CACNA1D: variants seen among roughly 807,000 people sequenced by gnomAD.
CACNA1D encodes the protein voltage-dependent L-type calcium channel subunit alpha-1D.
In CACNA1D, 55 loss-of-function variants were observed where a neutral mutation model predicts 257.1. The ratio of observed to expected loss-of-function variants is 0.21; its 90% CI spans 0.17 to 0.27. CACNA1D has a LOEUF of 0.27. Among genes scored for constraint, CACNA1D ranks in the 10% least tolerant of loss-of-function variants. The pLI is 1.00. For synonymous variants in CACNA1D, 980 were observed against 1,014.9 expected (o/e 0.97, Z 0.65); for missense variants, 1,876 against 2,784.0 (o/e 0.67, Z 7.34).
intron 26 of CACNA1D, among the ~76,000 whole-genome samples, chr3:53,747,852 T>C (rs2095186461): frequency 6.6e-6 from 1 of 152,198 alleles, no homozygotes; most frequent in South Asian, 2.1e-4. Context: ...GTTGCTGTTA[T>C]GCCATCTCTT....
chr3:53,571,389 G>C (rs567328920), intron 3 of CACNA1D, among the ~76,000 whole-genome samples: 1 of 152,214 alleles, frequency 6.6e-6, no homozygotes, highest in Non-Finnish European at 1.5e-5. Flanking sequence ...CAAATACTTA[G>C]ACTGTGCCTT....
At chr3:53,759,636 A>G (rs996485377) in intron 29 of CACNA1D, among the ~76,000 whole-genome samples, 6 of 152,104 alleles carry the variant, frequency 3.9e-5, no homozygotes, top group Admixed American at 1.3e-4. Flanking sequence ...CTTTTGAGTT[A>G]CTCTTAACTC....
chr3:53,559,988 T>C (rs1272439873), intron 3 of CACNA1D, among the ~76,000 whole-genome samples: 1 of 149,454 alleles, frequency 6.7e-6, no homozygotes, highest in Non-Finnish European at 1.5e-5. Context: ...TGAGGGATTG[T>C]CTGGGGGCTG....
At chr3:53,635,908 A>C (rs1051119103) in intron 3 of CACNA1D, among the ~76,000 whole-genome samples, 19 of 152,194 alleles carry the variant, frequency 1.2e-4, no homozygotes, top group African/African-American at 4.3e-4. Context: ...ACCCTGCCTG[A>C]GTCTCCGTTT....
intron 3 of CACNA1D, among the ~76,000 whole-genome samples, chr3:53,502,956 A>G (rs1037076942): frequency 6.6e-6 from 1 of 152,116 alleles, no homozygotes; most frequent in Admixed American, 6.5e-5. Flanking sequence ...GCAGGGCTGG[A>G]TGTTCCTAAC....
intron 3 of CACNA1D, among the ~76,000 whole-genome samples, chr3:53,562,378 G>A (rs1490730625): frequency 6.6e-6 from 1 of 152,212 alleles, no homozygotes; most frequent in Non-Finnish European, 1.5e-5. Flanking sequence ...TACAGATACA[G>A]TCCATATTCT....
chr3:53,770,788 C>G (rs918597643), intron 32 of CACNA1D, among the ~76,000 whole-genome samples: 1 of 152,244 alleles, frequency 6.6e-6, no homozygotes, highest in South Asian at 2.1e-4. Context: ...GCTGAGAGAT[C>G]TGTAGCATTT....
chr3:53,809,898 G>A (rs914541493), intron 46 of CACNA1D, 80 bp from the exon 47 acceptor site: 2 of 1,349,080 alleles, frequency 1.5e-6, no homozygotes, highest in Non-Finnish European at 1.1e-6. Flanking sequence ...CGCAGCGCCG[G>A]TGCTTGGTCT....
intron 11 of CACNA1D, among the ~76,000 whole-genome samples, chr3:53,720,986 C>T (rs953881567): frequency 1.4e-4 from 21 of 152,146 alleles, no homozygotes; most frequent in Non-Finnish European, 2.5e-4. Flanking sequence ...TTCATGCTTA[C>T]CCCAAGCTGG....
chr3:53,531,743 G>A (rs957006571), intron 3 of CACNA1D, among the ~76,000 whole-genome samples: 5 of 152,122 alleles, frequency 3.3e-5, no homozygotes, highest in Non-Finnish European at 5.9e-5. Flanking sequence ...TTCTTATTGA[G>A]TCTTCTCTGA....
At chr3:53,676,039 G>C (rs896785748) in intron 8 of CACNA1D, among the ~76,000 whole-genome samples, 1 of 152,180 alleles carries the variant, frequency 6.6e-6, no homozygotes, top group Admixed American at 6.5e-5. Flanking sequence ...CCTGTAGAGT[G>C]CCCGGCTCTG....
Position 53,723,419 on chromosome 3 carries a change from C to A in CACNA1D, c.1667-15C>A. 1 of 1,604,390 alleles carries A rather than the reference C, an allele frequency of 6.2e-7. No homozygotes were observed. Among genetic ancestry groups the A allele is most frequent in the Non-Finnish European group, 8.5e-7 (1 of 1,171,178 alleles). On this transcript the variant is annotated splice_polypyrimidine_tract_variant and intron_variant, in intron 12 of 47. Transcript: ENST00000350061. The surrounding 1 kb of genome is among the most constrained non-coding windows in gnomAD (Gnocchi z 5.6). ...GCAGGAGACCCTGAGGATGGGTGCCCCTTTGTCTTTCCAGATATTGCCAAC... is the reference window on the plus strand; with the variant it reads ...GCAGGAGACCCTGAGGATGGGTGCCACTTTGTCTTTCCAGATATTGCCAAC...
intron 4 of CACNA1D, 99 bp from the exon 5 acceptor site, chr3:53,660,034 A>T (rs2094188066): frequency 9.2e-7 from 1 of 1,084,538 alleles, no homozygotes; most frequent in Non-Finnish European, 1.4e-6. Flanking sequence ...CAGCAGCCAC[A>T]CAGAATTAGC....
rs889783225 is a variant in CACNA1D, at chr3:53,495,296, C to G, written c.67+63C>G. The G allele has an allele frequency of 1.9e-6, 3 of 1,599,378 alleles. No individual in the cohort carries two copies. The African/African-American group carries it at 4.0e-5, about 21-fold the overall frequency. On this transcript the variant is annotated intron_variant, in intron 1 of 47. Transcript: ENST00000350061. The surrounding 1 kb of genome is among the most constrained non-coding windows in gnomAD (Gnocchi z 5.1). ...GATCCTGTCATGGTCCTCCAGCCCC[C>G]TCCCCCTTCCCCGCGGCGCTGGATG...
intron 3 of CACNA1D, among the ~76,000 whole-genome samples, chr3:53,547,439 A>G (rs1171730975): frequency 1.3e-5 from 2 of 152,204 alleles, no homozygotes; most frequent in Non-Finnish European, 2.9e-5. Context: ...CATCCTGTGA[A>G]TGCACAAGGG....
chr3:53,650,084 G>T (rs1379324835), intron 3 of CACNA1D, among the ~76,000 whole-genome samples: 2 of 152,218 alleles, frequency 1.3e-5, no homozygotes, highest in Non-Finnish European at 2.9e-5. Flanking sequence ...AAGGTCAGAG[G>T]CTCTGCCTAG....
At chr3:53,792,766 T>C (rs1392585102) in intron 40 of CACNA1D, among the ~76,000 whole-genome samples, 1 of 152,162 alleles carries the variant, frequency 6.6e-6, no homozygotes, top group African/African-American at 2.4e-5. Context: ...AGTGGTGTCT[T>C]TTGTGCCTAT....
intron 3 of CACNA1D, among the ~76,000 whole-genome samples, chr3:53,619,420 T>A (rs1273958030): frequency 1.3e-5 from 2 of 152,204 alleles, no homozygotes; most frequent in African/African-American, 4.8e-5. Flanking sequence ...CATGGGTAAT[T>A]TACCTGGCAC....
At chr3:53,719,918 TCAATTGA>T in intron 11 of CACNA1D, 137 bp downstream of exon 11, 2 of 856,450 alleles carry the variant, frequency 2.3e-6, no homozygotes, top group Non-Finnish European at 4.1e-6. Context: ...TTGCAGTCAG[TCAATTGA>T]ATCCTATGAG....
Sources: gnomAD v4.1 joint callset for allele counts (sites outside exome capture counted in the v4.1 genomes callset) on GRCh38, gnomAD v4.1.1 for gene constraint, Gnocchi (gnomAD v3.1) non-coding constraint, MANE v1.5 for transcripts, NCBI Gene and HGNC (gene_info 2026-07-23, HGNC 2026-07-21) for gene names.